PKD2: variants seen among roughly 807,000 people sequenced by gnomAD.
PKD2 encodes the protein polycystin-2.
A neutral mutation model predicts 105.9 loss-of-function variants in PKD2; 48 were observed. That is an observed-to-expected ratio of 0.45 (90% CI 0.36 to 0.58). The LOEUF (loss-of-function observed/expected upper bound fraction) is 0.58, where lower values mean the gene tolerates loss of function less well. Among genes scored for constraint, PKD2 ranks in the 20% least tolerant of loss-of-function variants. The pLI, the probability that PKD2 is intolerant of heterozygous loss-of-function variation, is 0.00. For missense variants in PKD2, 1,078 were observed against 1,255.3 expected (o/e 0.86, Z 2.13); for synonymous variants, 464 against 481.1 (o/e 0.96, Z 0.46).
chr4:88,048,740 A>G (rs555754344), intron 6 of PKD2, among the ~76,000 whole-genome samples: 4 of 152,272 alleles, frequency 2.6e-5, no homozygotes, highest in African/African-American at 7.2e-5. Context: ...ATGGCCATAC[A>G]ACATCACACA....
At chr4:88,056,945 C>A (rs1720364658) in intron 8 of PKD2, among the ~76,000 whole-genome samples, 1 of 152,168 alleles carries the variant, frequency 6.6e-6, no homozygotes, top group South Asian at 2.1e-4. Context: ...GATCTTTGAA[C>A]TCAAACCATT....
At chr4:88,070,196 AGGTGCTAATTTTACTGT>A (rs1720959729) in intron 13 of PKD2, among the ~76,000 whole-genome samples, 1 of 152,142 alleles carries the variant, frequency 6.6e-6, no homozygotes, top group Admixed American at 6.6e-5. Context: ...ATGAGAAGAC[AGGTGCTAATTTTACTGT>A]GGTCCCCTTG....
intron 4 of PKD2, among the ~76,000 whole-genome samples, chr4:88,041,827 G>A (rs1727575691): frequency 6.6e-6 from 1 of 152,182 alleles, no homozygotes; most frequent in Admixed American, 6.5e-5. Flanking sequence ...CCAGATGCCA[G>A]CCAAAGTCCA....
chr4:88,062,371 A>G (rs1183081201), intron 10 of PKD2, among the ~76,000 whole-genome samples: 2 of 152,166 alleles, frequency 1.3e-5, no homozygotes, highest in African/African-American at 4.8e-5. Flanking sequence ...AGGGATTTCC[A>G]CCTCTTCTGT....
chr4:88,033,745 A>G (rs1268939879), intron 2 of PKD2, among the ~76,000 whole-genome samples: 1 of 152,222 alleles, frequency 6.6e-6, no homozygotes, highest in African/African-American at 2.4e-5. Context: ...CCACAGGTTA[A>G]AAACTCCACA....
At chr4:88,013,806 G>T (rs1447703419) in intron 1 of PKD2, among the ~76,000 whole-genome samples, 7 of 151,932 alleles carry the variant, frequency 4.6e-5, no homozygotes, top group Non-Finnish European at 8.8e-5. Context: ...GAATGAGAGG[G>T]GAATACAAGG....
At chr4:88,029,685 A>G (rs1423191340) in intron 2 of PKD2, among the ~76,000 whole-genome samples, 3 of 152,250 alleles carry the variant, frequency 2.0e-5, no homozygotes, top group African/African-American at 7.2e-5. Context: ...AATTAAAAAC[A>G]GATTTAGGCC....
At chr4:88,034,255 T>C (rs1727256996) in intron 2 of PKD2, among the ~76,000 whole-genome samples, 1 of 152,110 alleles carries the variant, frequency 6.6e-6, no homozygotes, top group Non-Finnish European at 1.5e-5. Context: ...ACAAGTTGTG[T>C]GTATTATGTG....
Position 88,019,536 on chromosome 4 carries a change from T to C in PKD2, c.674T>C (p.Val225Ala). The change falls in exon 2 of 15, where the codon GTC (valine) becomes GCC (alanine). Residue 225 changes from valine to alanine, a missense_variant. Physicochemically the swap from Val to Ala is moderately conservative, Grantham distance 64 (BLOSUM62 0). Transcript: ENST00000237596. ...KYLKSVLREL[V>A]TYLLFLIVLC... is the part of the protein sequence containing the mutation. ...CTTAAAAGTGTTTTACGGGAACTGG[T>C]CACATACCTCCTTTTTCTCATAGTC... 6.3e-7 allele frequency: 1 copy of C among 1,593,998 alleles called. No individual in the cohort carries two copies. The highest frequency in any genetic ancestry group is 8.6e-7 in the Non-Finnish European group (1 of 1,161,652).
intron 1 of PKD2, among the ~76,000 whole-genome samples, chr4:88,011,729 T>A (rs1369617007): frequency 6.6e-6 from 1 of 152,176 alleles, no homozygotes; most frequent in Admixed American, 6.5e-5. Context: ...ATGGCTTTGG[T>A]TGATGCTACC....
chr4:88,007,682 A>G lies in PKD2; in HGVS notation c.-52A>G. The G allele has an allele frequency of 9.0e-7, 1 of 1,105,680 alleles. No individual in the cohort carries two copies. The allele number at this position is 1,105,680 out of a possible 1,614,324, so 68.5% of individuals were successfully genotyped here. On this transcript the variant is annotated 5_prime_UTR_variant, in exon 1 of 15. Transcript: ENST00000237596. Reference sequence around the variant, plus strand: ...GAAAGGAACATGGCTCCTGAGGCGCACAGCGCCGAGCGCGGCGCCGCGCAC... The same window carrying G: ...GAAAGGAACATGGCTCCTGAGGCGCGCAGCGCCGAGCGCGGCGCCGCGCAC...
intron 7 of PKD2, among the ~76,000 whole-genome samples, chr4:88,053,915 G>C (rs1332822858): frequency 6.6e-6 from 1 of 152,112 alleles, no homozygotes; most frequent in African/African-American, 2.4e-5. Context: ...GTAGGACCAA[G>C]GGACTGAATT....
At chr4:88,055,696 A>T (rs2110126716) in intron 7 of PKD2, among the ~76,000 whole-genome samples, 1 of 151,378 alleles carries the variant, frequency 6.6e-6, no homozygotes, top group Middle Eastern at 3.4e-3. Flanking sequence ...AACCATGCTT[A>T]AGTGTACAAT....
At chr4:88,070,365 C>T (rs1212765872) in intron 13 of PKD2, among the ~76,000 whole-genome samples, 1 of 151,734 alleles carries the variant, frequency 6.6e-6, no homozygotes, top group South Asian at 2.1e-4. Context: ...TTCACTTTCT[C>T]TTCTCCTTTG....
rs1206758700 is a variant in PKD2 at position 88,007,937 on chromosome 4, G to A, written c.204G>A (p.Pro68=). 7.5e-6 allele frequency: 11 copies of A among 1,461,032 alleles called. No individual in the cohort carries two copies. Among genetic ancestry groups the A allele is most frequent in the Admixed American group, 2.2e-5 (1 of 45,028 alleles). 90.5% of individuals were successfully genotyped at this position (1,461,032 alleles called of 1,614,324 possible). Residue 68 remains proline, a synonymous_variant, in exon 1 of 15, where the codon CCG becomes CCA. Transcript: ENST00000237596. ...RIRQAAARDP[P]AGAAASPSPP... ...GGCAGGCGGCCGCGCGGGACCCCCC[G>A]GCCGGAGCCGCGGCCTCCCCTTCTC...
At position 88,074,641 on chromosome 4, in the gene PKD2, C is replaced by T. The variant is rs547137745; in HGVS notation, c.2523-171C>T. On this transcript the variant is annotated intron_variant, in intron 13 of 14. Coordinates refer to ENST00000237596, the MANE Select transcript of PKD2 (RefSeq NM_000297.4). The stretch of plus-strand genomic sequence containing the variant: ...CAGGAAAGTTGTTTCAGTTAACACT[C>T]CTACCAGCGGCATCCGAGAGTTAAT... Among the ~76,000 whole-genome samples, 4 of 152,266 alleles carry T rather than the reference C, an allele frequency of 2.6e-5. No homozygotes were observed. In the East Asian group the frequency reaches 5.8e-4, roughly 22 times the overall value.
At chr4:88,043,482 T>C in intron 5 of PKD2, 25 bp downstream of exon 5, 1 of 1,483,120 alleles carries the variant, frequency 6.7e-7, no homozygotes, top group Non-Finnish European at 9.4e-7. Context: ...CATGCATCCC[T>C]CCTATTTCTG....
At chr4:88,039,601 G>T (rs1727478454) in intron 4 of PKD2, among the ~76,000 whole-genome samples, 1 of 149,294 alleles carries the variant, frequency 6.7e-6, no homozygotes, top group Admixed American at 6.7e-5. Context: ...AGTGGTGGGG[G>T]TTGCAGTGAG....
rs117078377 is a variant in PKD2 at position 88,008,301 on chromosome 4, G to A, written c.568G>A (p.Ala190Thr). The A allele has an allele frequency of 0.026, 39,000 of 1,511,924 alleles. 3,051 individuals carry two copies. The East Asian group carries it at 0.34, about 13-fold the overall frequency. 93.7% of individuals were successfully genotyped at this position (1,511,924 alleles called of 1,614,324 possible). A position where few individuals can be genotyped will look rare whatever the true frequency, so the allele number is the denominator to read the frequency against. Residue 190 changes from alanine to threonine, a missense_variant, in exon 1 of 15, where the codon GCG (alanine) becomes ACG (threonine). Coordinates refer to ENST00000237596, the MANE Select transcript of PKD2 (RefSeq NM_000297.4). The stretch of plus-strand genomic sequence containing the variant: ...AGGGCAGCCGCCCCGAGTGGCCTGG[G>A]CGGAGAGGCTGGTTCGCGGGCTGCG... Reference protein sequence around the residue: ...LEGQPPRVAWAERLVRGLRGL... With the variant: ...LEGQPPRVAWTERLVRGLRGL...
Sources: allele counts gnomAD v4.1 joint callset (sites outside exome capture counted in the v4.1 genomes callset), GRCh38; gene constraint gnomAD v4.1.1; transcripts MANE v1.5; gene names NCBI Gene and HGNC (gene_info 2026-07-23, HGNC 2026-07-21).